PARP4: variants seen among roughly 807,000 people sequenced by gnomAD.
PARP4 encodes the protein poly(ADP-ribose) polymerase family member 4.
Under a neutral mutation model 187.7 loss-of-function variants are expected in PARP4, and 120 were observed. The ratio of observed to expected loss-of-function variants is 0.64; its 90% CI spans 0.55 to 0.74. PARP4 has a LOEUF of 0.74. PARP4 is among the 30% of genes least tolerant of loss of function. The pLI is 0.00. For missense variants in PARP4, 1,836 were observed against 2,070.5 expected, an observed-to-expected ratio of 0.89 and a Z score of 2.20; for synonymous variants, 654 against 740.9, an observed-to-expected ratio of 0.88 and a Z score of 1.90.
intron 4 of PARP4, among the ~76,000 whole-genome samples, chr13:24,499,760 C>G (rs1869170831): frequency 6.6e-6 from 1 of 152,222 alleles, no homozygotes; most frequent in Non-Finnish European, 1.5e-5. Context: ...CAGTCCATTC[C>G]TCTCTAAAAT....
chr13:24,439,448 A>T (rs1870804057), intron 30 of PARP4, among the ~76,000 whole-genome samples: 1 of 152,186 alleles, frequency 6.6e-6, no homozygotes, highest in Non-Finnish European at 1.5e-5. Flanking sequence ...GTCTTATCTG[A>T]TCTATGGCCT....
At chr13:24,432,726 A>C (rs1430235386) in intron 31 of PARP4, among the ~76,000 whole-genome samples, 1 of 151,796 alleles carries the variant, frequency 6.6e-6, no homozygotes, top group African/African-American at 2.4e-5. Flanking sequence ...GTTTTTTCTA[A>C]GCATAAAATT....
Position 24,432,536 on chromosome 13 carries a change from TG to T in PARP4, c.4747-1061del, listed in dbSNP as rs922736753. 2.2e-4 allele frequency among the ~76,000 whole-genome samples: 33 copies of T among 152,240 alleles called. 2 individuals carry two copies. The highest frequency in any genetic ancestry group is 7.5e-4 in the African/African-American group (31 of 41,466). On this transcript the variant is annotated intron_variant, in intron 31 of 33. Coordinates refer to ENST00000381989, the MANE Select transcript of PARP4 (RefSeq NM_006437.4). Reference sequence around the variant, plus strand: ...AACTTTCCTTCCACCCCTTTTGCTTTGTTTTGTTCCCTTTTGTGGAAAGAGT... The same window carrying T: ...AACTTTCCTTCCACCCCTTTTGCTTTTTTTGTTCCCTTTTGTGGAAAGAGT...
At chr13:24,449,866 T>C (rs777878636) in intron 24 of PARP4, 49 bp from the exon 25 acceptor site, 2 of 1,148,166 alleles carry the variant, frequency 1.7e-6, no homozygotes, top group African/African-American at 1.5e-5. Flanking sequence ...GAAATATTTT[T>C]GAAGTACATG....
chr13:24,475,961 A>AT (rs1416874459), intron 14 of PARP4, among the ~76,000 whole-genome samples: 5 of 151,776 alleles, frequency 3.3e-5, no homozygotes, highest in Admixed American at 3.3e-4. Context: ...ATTTTTTGGT[A>AT]TTTTTTGTAG....
intron 14 of PARP4, among the ~76,000 whole-genome samples, chr13:24,477,000 C>G (rs1873019508): frequency 6.6e-6 from 1 of 152,200 alleles, no homozygotes; most frequent in African/African-American, 2.4e-5. Flanking sequence ...CCTGGGCTTC[C>G]TGGCTCTACA....
chr13:24,501,562 G>A (rs530244711), intron 3 of PARP4, 71 bp downstream of exon 3: 1 of 978,610 alleles, frequency 1.0e-6, no homozygotes, highest in Non-Finnish European at 1.6e-6. Flanking sequence ...TCTGCCTATG[G>A]TATCTTTGAC....
rs760571574 is a variant in PARP4 at position 24,501,592 on chromosome 13, G to A, written c.334+41C>T. 26 of 1,346,078 alleles carry A rather than the reference G, an allele frequency of 1.9e-5. No homozygotes were observed. In the Middle Eastern group the frequency reaches 5.4e-4, roughly 28 times the overall value. 83.4% of individuals were successfully genotyped at this position (1,346,078 alleles called of 1,614,324 possible). ...TTTGACAAACCCAAGCGTGTACTAT[G>A]GCACCTATGATACGTTAAATGCTTG... On this transcript the variant is annotated intron_variant, in intron 3 of 33. Transcript: ENST00000381989.
rs1390183260 is a variant in PARP4 at position 24,477,153 on chromosome 13, T to G, written c.1789+548A>C. On this transcript the variant is annotated intron_variant, in intron 14 of 33. Coordinates refer to ENST00000381989, the MANE Select transcript of PARP4 (RefSeq NM_006437.4). ...TGTTAATGAAGTCACATGGAATTTCTCAATCATCCTAGTTGTTATGTACGC... is the reference window on the plus strand; with the variant it reads ...TGTTAATGAAGTCACATGGAATTTCGCAATCATCCTAGTTGTTATGTACGC... Among the ~76,000 whole-genome samples the G allele has an allele frequency of 2.0e-5, 3 of 152,226 alleles. No individual in the cohort carries two copies. The East Asian group carries it at 5.8e-4, about 29-fold the overall frequency.
At chr13:24,485,563 A>G (rs925606417) in intron 11 of PARP4, among the ~76,000 whole-genome samples, 11 of 152,086 alleles carry the variant, frequency 7.2e-5, no homozygotes, top group Admixed American at 6.6e-4. Flanking sequence ...CTGAGTAATT[A>G]ATGGATCTAC....
At chr13:24,510,979 GT>G (rs34314415) in intron 1 of PARP4, among the ~76,000 whole-genome samples, 61,885 of 151,814 alleles carry the variant, frequency 0.41, 12,862 homozygotes, top group East Asian at 0.61. Context: ...TAGAGACAGG[GT>G]TCTTACTATG....
At chr13:24,509,072 A>G (rs1290613273) in intron 1 of PARP4, among the ~76,000 whole-genome samples, 1 of 152,228 alleles carries the variant, frequency 6.6e-6, no homozygotes. Context: ...ATACTCAACT[A>G]GAACTACTGA....
At chr13:24,478,317 G>A in intron 12 of PARP4, 41 bp from the exon 13 acceptor site, 4 of 1,348,690 alleles carry the variant, frequency 3.0e-6, no homozygotes, top group Non-Finnish European at 4.0e-6. Flanking sequence ...ACAGCTTAGA[G>A]TGACTTGTCA....
At chr13:24,459,339 C>G in intron 18 of PARP4, 29 bp from the exon 19 acceptor site, 1 of 1,497,604 alleles carries the variant, frequency 6.7e-7, no homozygotes, top group Non-Finnish European at 9.1e-7. Context: ...ATTTGTATAA[C>G]TAAGCATATA....
chr13:24,427,840 A>G (rs1299382178), intron 32 of PARP4, among the ~76,000 whole-genome samples: 1 of 152,178 alleles, frequency 6.6e-6, no homozygotes, highest in African/African-American at 2.4e-5. Context: ...AATTTGCTGG[A>G]TTCTTTTGTG....
chr13:24,469,380 G>A (rs991710392), intron 16 of PARP4, among the ~76,000 whole-genome samples: 7 of 152,248 alleles, frequency 4.6e-5, no homozygotes, highest in African/African-American at 1.4e-4. Context: ...GGGAGTTTAT[G>A]TGGAACAAAA....
intron 17 of PARP4, among the ~76,000 whole-genome samples, chr13:24,464,274 C>A (rs553667611): frequency 5.3e-4 from 81 of 152,308 alleles, no homozygotes; most frequent in Non-Finnish European, 1.1e-3. Context: ...CATTGACATT[C>A]TTCACAGAAT....
Position 24,452,558 on chromosome 13 carries a change from C to T in PARP4, c.2862G>A (p.Trp954Ter). The T allele has an allele frequency of 1.2e-6, 2 of 1,613,912 alleles. No homozygotes were observed. The highest frequency in any genetic ancestry group is 1.7e-6 in the Non-Finnish European group (2 of 1,179,908). The change falls in exon 24 of 34, where the codon TGG becomes TGA. Residue 954 changes from tryptophan (W) to a stop codon, truncating the protein, a stop_gained. Coordinates refer to ENST00000381989, the MANE Select transcript of PARP4 (RefSeq NM_006437.4). LOFTEE classifies it high-confidence loss of function. Reference sequence around the variant, plus strand: ...ATAAGCTAAGATATCGGAGTGTTTTCCAGAAGTCTGTGTTCCCCATGGTAG... The same window carrying T: ...ATAAGCTAAGATATCGGAGTGTTTTTCAGAAGTCTGTGTTCCCCATGGTAG... The part of the protein sequence containing the change: ...ATPTMGNTDF[W>*]KTLRYLSLLY...
intron 21 of PARP4, among the ~76,000 whole-genome samples, chr13:24,455,552 T>C (rs868622249): frequency 2.2e-4 from 32 of 144,102 alleles, no homozygotes; most frequent in Middle Eastern, 3.7e-3. Context: ...ATTACTAAAA[T>C]ACACACACAT....
Sources: allele counts gnomAD v4.1 joint callset (sites outside exome capture counted in the v4.1 genomes callset), GRCh38; gene constraint gnomAD v4.1.1; transcripts MANE v1.5; gene names NCBI Gene and HGNC (gene_info 2026-07-23, HGNC 2026-07-21).